GEMIN4: variants seen among roughly 807,000 people sequenced by gnomAD.
GEMIN4 encodes the protein gem-associated protein 4.
A neutral mutation model predicts 76.8 loss-of-function variants in GEMIN4; 59 were observed. The observed-to-expected ratio is 0.77, with a 90% CI of 0.62 to 0.95. The LOEUF (loss-of-function observed/expected upper bound fraction) is 0.95. GEMIN4 is among the 40% of genes least tolerant of loss of function. GEMIN4 has a pLI of 0.00. For synonymous variants in GEMIN4, 562 were observed against 559.7 expected (o/e 1.00, Z -0.06); for missense variants, 1,311 against 1,318.9 (o/e 0.99, Z 0.09).
At chr17:750,196 GA>G (rs35967789) in intron 1 of GEMIN4, among the ~76,000 whole-genome samples, 14,949 of 143,936 alleles carry the variant, frequency 0.1, 910 homozygotes, top group South Asian at 0.19. Context: ...CTCCATCTCC[GA>G]AAAAAAAAAA....
upstream of GEMIN4, chr17:752,591 C>G: frequency 1.1e-6 from 1 of 890,700 alleles, no homozygotes; most frequent in Non-Finnish European, 1.4e-6. Flanking sequence ...GGCTTCCACT[C>G]CCACCCGCCC....
Position 746,820 on chromosome 17 carries a change from A to T in GEMIN4, c.1223T>A (p.Met408Lys). 6.2e-7 allele frequency: 1 copy of T among 1,613,828 alleles called. No homozygotes were observed. Among genetic ancestry groups the T allele is most frequent in the Non-Finnish European group, 8.5e-7 (1 of 1,179,840 alleles). ...ALEDITASIA[M>K]AVIQQKMDRH... ...GTCCATCTTCTGCTGGATGACGGCC[A>T]TGGCAATGGAAGCTGTGATATCCTC... is the stretch of plus-strand genomic sequence containing the variant. Residue 408 changes from methionine to lysine, a missense_variant, in exon 2 of 2, where the codon ATG becomes AAG. By Grantham distance (95) the Met-to-Lys change is moderately conservative. This residue lies in a region of GEMIN4 where 1,208 missense variants were observed against 1,166.9 expected (regional missense o/e 1.04). Coordinates refer to ENST00000319004, the MANE Select transcript of GEMIN4 (RefSeq NM_015721.3). The surrounding 1 kb of genome is among the most constrained non-coding windows in gnomAD (Gnocchi z 4.3).
chr17:744,777 T>TG lies in GEMIN4; in HGVS notation c.*88dup. ...TCTGACCCCTACAGACCTGCCATGTTGAAGCCCAGCTTTTTCGCTCCCGCA... is the reference window on the plus strand; with the variant it reads ...TCTGACCCCTACAGACCTGCCATGTTGGAAGCCCAGCTTTTTCGCTCCCGCA... On this transcript the variant is annotated 3_prime_UTR_variant, in exon 2 of 2. Transcript: ENST00000319004. 7.0e-7 allele frequency: 1 copy of TG among 1,420,974 alleles called. No individual in the cohort carries two copies. Among genetic ancestry groups the TG allele is most frequent in the Admixed American group, 2.5e-5 (1 of 40,406 alleles). The allele number at this position is 1,420,974 out of a possible 1,614,324, so 88.0% of individuals were successfully genotyped here.
chr17:753,143 G>T (rs4024554), upstream of GEMIN4: 1 of 134,380 alleles, frequency 7.4e-6, no homozygotes, highest in South Asian at 2.4e-4. Context: ...AGTGGGGGGC[G>T]TGGAGCGCGA....
In GEMIN4 at chr17:744,983, A is replaced by C. The variant is rs1273276858; in HGVS notation, c.3060T>G (p.Pro1020=). Residue 1020 remains proline (P), a synonymous_variant, in exon 2 of 2, where the codon CCT becomes CCG. Transcript: ENST00000319004. ...CCCTCTGGAGCAAGGAGCTGACAGA[A>C]GGGTTGGTCTTGCTCAAAGTCTCAT... ...TCYETLSKTN[P]SVSSLLQRAH... 1.9e-6 allele frequency: 3 copies of C among 1,613,854 alleles called. No homozygotes were observed. The highest frequency in any genetic ancestry group is 2.5e-6 in the Non-Finnish European group (3 of 1,179,896).
chr17:746,646 G>T lies in GEMIN4; in HGVS notation c.1397C>A (p.Thr466Lys). 1.2e-6 allele frequency: 2 copies of T among 1,613,544 alleles called. No homozygotes were observed. Among genetic ancestry groups the T allele is most frequent in the Non-Finnish European group, 1.7e-6 (2 of 1,179,856 alleles). ...AGACTCAGGGATGGCTCTGTCAGCT[G>T]TGCTGACGTCTATCACTGTTTCCAG... ...RLLETVIDVS[T>K]ADRAIPESQI... Residue 466 changes from threonine (T) to lysine (K), a missense_variant, in exon 2 of 2, where the codon ACA becomes AAA. Physicochemically the swap from Thr to Lys is moderately conservative, Grantham distance 78 (BLOSUM62 -1). This residue lies in a region of GEMIN4 where 1,208 missense variants were observed against 1,166.9 expected (regional missense o/e 1.04). Coordinates refer to ENST00000319004, the MANE Select transcript of GEMIN4 (RefSeq NM_015721.3). This position sits in a 1 kb window ranked among gnomAD's most constrained non-coding sequence, Gnocchi z 4.3.
chr17:750,368 C>G (rs141582972), intron 1 of GEMIN4, among the ~76,000 whole-genome samples: 1 of 152,084 alleles, frequency 6.6e-6, no homozygotes, highest in African/African-American at 2.4e-5. Context: ...CTCCCCGGGA[C>G]GCTATGATGG....
chr17:753,046 GGA>G, upstream of GEMIN4: 1 of 165,484 alleles, frequency 6.0e-6, no homozygotes, highest in Non-Finnish European at 1.3e-5. Flanking sequence ...GGGCCAAGTG[GGA>G]GGCTTGGAGC....
intron 1 of GEMIN4, among the ~76,000 whole-genome samples, chr17:751,393 C>T (rs1904677230): frequency 6.6e-6 from 1 of 152,028 alleles, no homozygotes; most frequent in Non-Finnish European, 1.5e-5. Context: ...GGGGCGGGGA[C>T]CAGACCATTT....
intron 1 of GEMIN4, chr17:748,325 G>A: frequency 2.6e-6 from 1 of 388,214 alleles, no homozygotes; most frequent in Non-Finnish European, 4.6e-6. Flanking sequence ...GTTCAGCTTT[G>A]GCCATCAAGG....
At chr17:752,489 C>G (rs1432123163), upstream of GEMIN4, 2 of 437,850 alleles carry the variant, frequency 4.6e-6, no homozygotes, top group Non-Finnish European at 7.0e-6. Flanking sequence ...TTCACCCTCA[C>G]CCGGTAACCC....
At chr17:748,201 G>A (rs550427348) in intron 1 of GEMIN4, 169 bp from the exon 2 acceptor site, 1 of 607,130 alleles carries the variant, frequency 1.6e-6, no homozygotes, top group African/African-American at 1.8e-5. Context: ...AGAAGGACTT[G>A]GCCGAGGAAT....
At position 745,827 on chromosome 17, in the gene GEMIN4, ATC is replaced by A. The variant is rs1974378372; in HGVS notation, c.2214_2215del (p.Glu738AspfsTer7). The A allele has an allele frequency of 1.2e-6, 2 of 1,612,822 alleles. No homozygotes were observed. The highest frequency in any genetic ancestry group is 1.7e-6 in the Non-Finnish European group (2 of 1,179,656). ...GAAGGTCTCAGCATTGGCTGATACAATCTCACACAGGAGCTCCAGGATATGGA... is the reference window on the plus strand; with the variant it reads ...GAAGGTCTCAGCATTGGCTGATACAATCACACAGGAGCTCCAGGATATGGA... On this transcript the variant is annotated frameshift_variant, in exon 2 of 2. Transcript: ENST00000319004. LOFTEE classifies it high-confidence loss of function. This position sits in a 1 kb window ranked among gnomAD's most constrained non-coding sequence, Gnocchi z 4.6.
Position 747,976 on chromosome 17 carries a change from C to A in GEMIN4, c.67G>T (p.Glu23Ter). 6.2e-7 allele frequency: 1 copy of A among 1,612,432 alleles called. No individual in the cohort carries two copies. Among genetic ancestry groups the A allele is most frequent in the Non-Finnish European group, 8.5e-7 (1 of 1,179,272 alleles). ...TILHGGFLLA[E>*]QLFHPKALAE... ...AGTGCCTTAGGGTGGAACAGCTGCT[C>A]GGCCAGCAAGAAGCCTCCATGCAGA... is the stretch of plus-strand genomic sequence containing the variant. The change falls in exon 2 of 2, where the codon GAG becomes TAG. Residue 23 changes from glutamate to a stop codon, truncating the protein, a stop_gained. Coordinates refer to ENST00000319004, the MANE Select transcript of GEMIN4 (RefSeq NM_015721.3). LOFTEE classifies it high-confidence loss of function.
chr17:748,160 T>A (rs1904377651), intron 1 of GEMIN4, 128 bp from the exon 2 acceptor site: 1 of 713,206 alleles, frequency 1.4e-6, no homozygotes, highest in African/African-American at 1.8e-5. Context: ...GGAGAAGGGA[T>A]GACTACAAGA....
Position 744,910 on chromosome 17 carries a change from C to T in GEMIN4, c.3133G>A (p.Glu1045Lys), listed in dbSNP as rs369306203. The T allele has an allele frequency of 1.4e-5, 23 of 1,613,438 alleles. No individual in the cohort carries two copies. The highest frequency in any genetic ancestry group is 1.9e-5 in the Non-Finnish European group (23 of 1,179,800). The stretch of plus-strand genomic sequence containing the variant: ...TGCAACAGGGTTTGGCGCCGTTCTT[C>T]AGGGCCGATGCCCTCAGCAATGGAC... ...LKSIAEGIGP[E>K]ERRQTLLQKM... The change falls in exon 2 of 2, where the codon GAA (glutamate) becomes AAA (lysine). Residue 1045 changes from glutamate (E) to lysine (K), a missense_variant. Glu to Lys is a moderately conservative substitution (Grantham distance 56, BLOSUM62 1). Around this residue, in one of 2 missense-constraint regions of GEMIN4, gnomAD observed 1,208 missense variants for 1,166.9 expected, o/e 1.04. Coordinates refer to ENST00000319004, the MANE Select transcript of GEMIN4 (RefSeq NM_015721.3).
upstream of GEMIN4, chr17:752,370 C>A (rs1904782431): frequency 1.9e-6 from 2 of 1,031,130 alleles, no homozygotes; most frequent in South Asian, 1.0e-4. Context: ...GCCCTCCCAC[C>A]AGCCCTCAGG....
At position 747,117 on chromosome 17, in the gene GEMIN4, G is replaced by A. The variant is rs1357388004; in HGVS notation, c.926C>T (p.Pro309Leu). 6.2e-7 allele frequency: 1 copy of A among 1,613,786 alleles called. No homozygotes were observed. Among genetic ancestry groups the A allele is most frequent in the South Asian group, 1.1e-5 (1 of 91,084 alleles). ...DVSLTSLAKL[P>L]SETIFVGCEF... ...GCAGCCCACGAAAATGGTCTCACTG[G>A]GGAGTTTGGCCAGCGAGGTCAGGCT... The change falls in exon 2 of 2, where the codon CCC becomes CTC. Residue 309 changes from proline to leucine, a missense_variant. Transcript: ENST00000319004.
In GEMIN4 at chr17:744,528, T is replaced by C. The variant is rs1045500; in HGVS notation, c.*338A>G. 0.86 allele frequency: 177,111 copies of C among 206,340 alleles called. 76,450 individuals carry two copies. Among genetic ancestry groups the C allele is most frequent in the African/African-American group, 0.95 (41,235 of 43,206 alleles). 12.8% of individuals were successfully genotyped at this position (206,340 alleles called of 1,614,324 possible). ...AGTCCAGTTATGAACATGTTCCTCCTGGCTGGATTTGATCTTGAAGACACT... is the reference window on the plus strand; with the variant it reads ...AGTCCAGTTATGAACATGTTCCTCCCGGCTGGATTTGATCTTGAAGACACT... On this transcript the variant is annotated 3_prime_UTR_variant, in exon 2 of 2. Coordinates refer to ENST00000319004, the MANE Select transcript of GEMIN4 (RefSeq NM_015721.3).
Sources: allele counts gnomAD v4.1 joint callset (sites outside exome capture counted in the v4.1 genomes callset), GRCh38; gene constraint gnomAD v4.1.1; regional missense constraint gnomAD v4.1.1; non-coding constraint Gnocchi (gnomAD v3.1); transcripts MANE v1.5; gene names NCBI Gene and HGNC (gene_info 2026-07-23, HGNC 2026-07-21).